The following EPSTI1 variants were observed in gnomAD, a reference collection of about 807,000 sequenced individuals.
EPSTI1 encodes epithelial-stromal interaction protein 1.
A neutral mutation model predicts 49.9 loss-of-function variants in EPSTI1; 66 were observed. That is an observed-to-expected ratio of 1.32 (90% CI 1.08 to 1.62). The LOEUF (loss-of-function observed/expected upper bound fraction) is 1.62. Among genes scored for constraint, EPSTI1 ranks in the 40% most tolerant of loss-of-function variants. The pLI is 0.00. For synonymous variants in EPSTI1, 137 were observed against 130.7 expected, an observed-to-expected ratio of 1.05 and a Z score of -0.33; for missense variants, 394 against 365.5, an observed-to-expected ratio of 1.08 and a Z score of -0.64.
At chr13:42,945,563 C>A (rs77066028) in intron 6 of EPSTI1, among the ~76,000 whole-genome samples, 17,265 of 152,222 alleles carry the variant, frequency 0.11, 1,303 homozygotes, top group Middle Eastern at 0.17. Context: ...TCTGTTTGAC[C>A]AGTAGAGTGA....
intron 6 of EPSTI1, among the ~76,000 whole-genome samples, chr13:42,930,706 A>G: frequency 6.6e-6 from 1 of 152,268 alleles, no homozygotes; most frequent in Non-Finnish European, 1.5e-5. Flanking sequence ...GAGTCAGAAA[A>G]TAGAATAGAA....
intron 9 of EPSTI1, among the ~76,000 whole-genome samples, chr13:42,895,846 G>A (rs567074816): frequency 2.0e-5 from 3 of 152,298 alleles, no homozygotes; most frequent in Admixed American, 6.5e-5. Flanking sequence ...GATTATTTAG[G>A]AAGTGCAGAA....
intron 5 of EPSTI1, among the ~76,000 whole-genome samples, chr13:42,955,877 T>TGGGC (rs1555266327): frequency 1.9e-5 from 2 of 105,546 alleles, no homozygotes; most frequent in Non-Finnish European, 3.5e-5. Flanking sequence ...AAGAAGTATT[T>TGGGC]GGGGGGGGGG....
At chr13:42,921,848 A>C (rs1376770135) in intron 7 of EPSTI1, among the ~76,000 whole-genome samples, 1 of 146,456 alleles carries the variant, frequency 6.8e-6, no homozygotes, top group East Asian at 1.9e-4. Context: ...AGGAGGAAAG[A>C]GGGATCCAGG....
At chr13:42,971,590 C>T (rs577541006) in intron 1 of EPSTI1, among the ~76,000 whole-genome samples, 1 of 145,758 alleles carries the variant, frequency 6.9e-6, no homozygotes, top group Admixed American at 7.2e-5. Context: ...ACACAACCAG[C>T]TTCTAACTGT....
intron 5 of EPSTI1, among the ~76,000 whole-genome samples, chr13:42,956,249 T>G (rs1490134437): frequency 6.6e-6 from 1 of 152,232 alleles, no homozygotes. Context: ...ACTGGGAATG[T>G]GGTTTCTAAC....
chr13:42,896,588 T>C (rs1438076646), intron 9 of EPSTI1, among the ~76,000 whole-genome samples: 1 of 152,188 alleles, frequency 6.6e-6, no homozygotes, highest in Non-Finnish European at 1.5e-5. Context: ...TTCAAATTAC[T>C]ATATCTTCAC....
chr13:42,966,728 CCGGG>C (rs2039628990), intron 3 of EPSTI1, among the ~76,000 whole-genome samples: 2 of 89,706 alleles, frequency 2.2e-5, no homozygotes. Context: ...GCCGCCCCGT[CCGGG>C]AGGTGAGGGG....
chr13:42,955,970 G>A (rs546091334), intron 5 of EPSTI1, among the ~76,000 whole-genome samples: 23 of 151,844 alleles, frequency 1.5e-4, no homozygotes, highest in East Asian at 1.2e-3. Context: ...TTATATGCTC[G>A]GTACCATGTT....
rs568115341 is a variant in EPSTI1 at position 42,981,961 on chromosome 13, G to A, written c.188+10017C>T. ...AAGTCTGAAAAAAAAATCACTGTAAGTTACTATGTTGTTGAGGTTGCACAG... is the reference window on the plus strand; with the variant it reads ...AAGTCTGAAAAAAAAATCACTGTAAATTACTATGTTGTTGAGGTTGCACAG... On this transcript the variant is annotated intron_variant, in intron 1 of 10. Transcript: ENST00000313624. Among the ~76,000 whole-genome samples the A allele has an allele frequency of 3.9e-4, 59 of 152,144 alleles. No individual in the cohort carries two copies. In the South Asian group the frequency reaches 8.1e-3, roughly 21 times the overall value.
chr13:42,964,277 C>A, intron 3 of EPSTI1, 138 bp from the exon 4 acceptor site: 1 of 588,514 alleles, frequency 1.7e-6, no homozygotes, highest in South Asian at 3.0e-5. Context: ...AAGAACATAA[C>A]CAGTTTTCCA....
At chr13:42,891,561 CTTTCA>C (rs1328940083) in intron 10 of EPSTI1, among the ~76,000 whole-genome samples, 1 of 152,106 alleles carries the variant, frequency 6.6e-6, no homozygotes, top group Non-Finnish European at 1.5e-5. Flanking sequence ...GCTTGGTTGT[CTTTCA>C]TTATCTCCTA....
chr13:42,900,175 C>G, intron 9 of EPSTI1, 135 bp downstream of exon 9: 1 of 757,668 alleles, frequency 1.3e-6, no homozygotes, highest in Admixed American at 2.3e-5. Flanking sequence ...TATCACGTCC[C>G]AATAACAGAT....
rs765219366 is a variant in EPSTI1 at position 42,954,027 on chromosome 13, A to G, written c.490-6T>C. On this transcript the variant is annotated splice_region_variant and splice_polypyrimidine_tract_variant and intron_variant, in intron 5 of 10. Coordinates refer to ENST00000313624, the MANE Select transcript of EPSTI1 (RefSeq NM_033255.5). ...TTCTCCTCCAGTTTATTGCTCTGAA[A>G]TTGCAAATATCAAAACATAACTTAT... is the stretch of plus-strand genomic sequence containing the variant. 1 of 1,608,160 alleles carries G rather than the reference A, an allele frequency of 6.2e-7. No homozygotes were observed. The highest frequency in any genetic ancestry group is 1.1e-5 in the South Asian group (1 of 90,608).
chr13:42,918,311 G>T (rs1445412109), intron 7 of EPSTI1, among the ~76,000 whole-genome samples: 1 of 152,156 alleles, frequency 6.6e-6, no homozygotes, highest in Non-Finnish European at 1.5e-5. Context: ...GACATTTATG[G>T]CATTTCAAGT....
chr13:42,967,311 A>T (rs75634104), intron 3 of EPSTI1, among the ~76,000 whole-genome samples: 234 of 71,806 alleles, frequency 3.3e-3, no homozygotes, highest in South Asian at 5.1e-3. Flanking sequence ...AAAAAAAAAA[A>T]GAAAATCAGC....
intron 7 of EPSTI1, chr13:42,919,325 G>C: frequency 6.2e-7 from 1 of 1,613,498 alleles, no homozygotes; most frequent in Non-Finnish European, 8.5e-7. Context: ...AGGCAGGATA[G>C]GAAGTTTCTG....
intron 6 of EPSTI1, among the ~76,000 whole-genome samples, chr13:42,938,794 A>C (rs1175166481): frequency 1.3e-5 from 2 of 151,504 alleles, no homozygotes; most frequent in Non-Finnish European, 2.9e-5. Context: ...GGGTGCCTGT[A>C]ATCCCAGCTA....
intron 4 of EPSTI1, 94 bp from the exon 5 acceptor site, chr13:42,963,432 T>C: frequency 4.2e-6 from 4 of 961,418 alleles, no homozygotes; most frequent in Non-Finnish European, 6.4e-6. Flanking sequence ...CAAATTACAG[T>C]ATTGTTTGTG....
Sources: gnomAD v4.1 joint callset for allele counts (sites outside exome capture counted in the v4.1 genomes callset) on GRCh38, gnomAD v4.1.1 for gene constraint, MANE v1.5 for transcripts, NCBI Gene and HGNC (gene_info 2026-07-23, HGNC 2026-07-21) for gene names.